Variants in HEPHL1 observed in about 807,000 individuals in gnomAD.
The protein encoded by HEPHL1 is ferroxidase HEPHL1.
HEPHL1 carries 123 observed loss-of-function variants against 122.0 expected under a neutral mutation model. The observed-to-expected ratio is 1.01, with a 90% CI of 0.87 to 1.17. The LOEUF is 1.17. Among genes scored for constraint, HEPHL1 ranks in the 50% most tolerant of loss-of-function variants. The probability of loss-of-function intolerance (pLI) is 0.00; values close to 1 mark genes in which losing one functional copy is unlikely to be tolerated. For synonymous variants in HEPHL1, 527 were observed against 508.9 expected, an observed-to-expected ratio of 1.04 and a Z score of -0.48; for missense variants, 1,452 against 1,430.5, an observed-to-expected ratio of 1.01 and a Z score of -0.24.
intron 5 of HEPHL1, among the ~76,000 whole-genome samples, chr11:94,068,618 G>A (rs1316302884): frequency 2.6e-5 from 4 of 152,090 alleles, no homozygotes; most frequent in Non-Finnish European, 5.9e-5. Context: ...CTAAGGAGGT[G>A]GGGCTGTGTG....
intron 2 of HEPHL1, among the ~76,000 whole-genome samples, chr11:94,057,476 A>C (rs1187291449): frequency 6.6e-6 from 1 of 151,918 alleles, no homozygotes; most frequent in Non-Finnish European, 1.5e-5. Flanking sequence ...TCTCTTTTTC[A>C]GATAGGATAA....
At chr11:94,071,674 A>G (rs892643977) in intron 6 of HEPHL1, among the ~76,000 whole-genome samples, 4 of 152,182 alleles carry the variant, frequency 2.6e-5, no homozygotes, top group Middle Eastern at 3.2e-3. Flanking sequence ...CTGGGTTCAC[A>G]AGAGTAGAGA....
chr11:94,073,109 A>G lies in HEPHL1; in HGVS notation c.1317A>G (p.Ala439=). ...TTCGGTATACTGAATTTGTTGATGC[A>G]ACTTTTACTAAAAGAAAGAGACTCT... ...WKVRYTEFVD[A]TFTKRKRLSA... Residue 439 remains alanine (A), a synonymous_variant, in exon 7 of 20, where the codon GCA becomes GCG. Transcript: ENST00000315765. The G allele has an allele frequency of 6.2e-7, 1 of 1,613,212 alleles. No individual in the cohort carries two copies. The highest frequency in any genetic ancestry group is 8.5e-7 in the Non-Finnish European group (1 of 1,179,482).
intron 9 of HEPHL1, among the ~76,000 whole-genome samples, chr11:94,079,695 G>T (rs1946153390): frequency 6.6e-6 from 1 of 152,298 alleles, no homozygotes; most frequent in Non-Finnish European, 1.5e-5. Context: ...GCTTGGCCTT[G>T]CTTCAAAGTG....
chr11:94,021,637 G>A, intron 1 of HEPHL1, 99 bp downstream of exon 1: 1 of 920,096 alleles, frequency 1.1e-6, no homozygotes, highest in Non-Finnish European at 1.7e-6. Flanking sequence ...ATGGGGGTGA[G>A]TTGATCTAGA....
chr11:94,083,083 TAA>T (rs35037205), intron 10 of HEPHL1, among the ~76,000 whole-genome samples: 3 of 142,228 alleles, frequency 2.1e-5, no homozygotes, highest in Admixed American at 7.0e-5. Context: ...AGACTCCGTC[TAA>T]AAAAAAAAAA....
chr11:94,110,776 T>C, intron 17 of HEPHL1, 127 bp from the exon 18 acceptor site: 1 of 667,110 alleles, frequency 1.5e-6, no homozygotes. Context: ...CTATTCTTGA[T>C]TCCTGCTCTT....
chr11:94,034,310 A>G (rs1252387342), intron 1 of HEPHL1, among the ~76,000 whole-genome samples: 1 of 152,102 alleles, frequency 6.6e-6, no homozygotes, highest in Non-Finnish European at 1.5e-5. Context: ...CAATATGTTG[A>G]TCTCTAGCTC....
intron 1 of HEPHL1, among the ~76,000 whole-genome samples, chr11:94,028,858 A>G (rs1425516796): frequency 6.6e-6 from 1 of 152,208 alleles, no homozygotes; most frequent in Non-Finnish European, 1.5e-5. Flanking sequence ...ATAGAACTCA[A>G]AGGAGCTGGA....
intron 1 of HEPHL1, among the ~76,000 whole-genome samples, chr11:94,031,437 G>A (rs948502373): frequency 2.0e-5 from 3 of 151,198 alleles, no homozygotes; most frequent in Non-Finnish European, 4.4e-5. Flanking sequence ...TGGTGATCAC[G>A]CCATATCAGC....
chr11:94,056,237 G>A (rs1945934770), intron 2 of HEPHL1, among the ~76,000 whole-genome samples: 1 of 151,882 alleles, frequency 6.6e-6, no homozygotes, highest in Non-Finnish European at 1.5e-5. Flanking sequence ...ACTTATTTGT[G>A]TCTTTCAATG....
chr11:94,070,686 T>C, intron 6 of HEPHL1, 144 bp downstream of exon 6: 1 of 666,830 alleles, frequency 1.5e-6, no homozygotes, highest in South Asian at 2.4e-5. Context: ...TAAGGTGTTC[T>C]TAATACTGCA....
intron 9 of HEPHL1, among the ~76,000 whole-genome samples, chr11:94,079,176 A>G (rs1193887980): frequency 6.6e-6 from 1 of 152,180 alleles, no homozygotes; most frequent in Non-Finnish European, 1.5e-5. Context: ...ATCTCATTTA[A>G]TCTTCACAAA....
chr11:94,064,212 G>C, intron 3 of HEPHL1, 119 bp from the exon 4 acceptor site: 1 of 644,000 alleles, frequency 1.6e-6, no homozygotes, highest in East Asian at 2.7e-5. Flanking sequence ...TTATATGGTG[G>C]GTTATCCTTG....
chr11:94,050,396 T>G (rs1945879446), intron 2 of HEPHL1, among the ~76,000 whole-genome samples: 1 of 152,186 alleles, frequency 6.6e-6, no homozygotes, highest in Admixed American at 6.5e-5. Context: ...AGACCAGATA[T>G]TCTTACCTTT....
intron 1 of HEPHL1, among the ~76,000 whole-genome samples, chr11:94,031,407 C>CT (rs201556779): frequency 1.5e-4 from 23 of 149,778 alleles, no homozygotes; most frequent in East Asian, 5.9e-4. Context: ...CTGCAATTTG[C>CT]TTTTTTTTTA....
chr11:94,093,545 C>G lies in HEPHL1; in HGVS notation c.2339C>G (p.Ser780Cys), dbSNP rs1591485447. ...AACCGCACTGAAAATTGGATTGGCT[C>G]TCAGTACAAGAAGGTGGTTTACAGG... is the stretch of plus-strand genomic sequence containing the variant. Reference protein sequence around the residue: ...FMNRTENWIGSQYKKVVYREY... With the variant: ...FMNRTENWIGCQYKKVVYREY... The change falls in exon 13 of 20, where the codon TCT becomes TGT. Residue 780 changes from serine to cysteine, a missense_variant. Coordinates refer to ENST00000315765, the MANE Select transcript of HEPHL1 (RefSeq NM_001098672.2). The G allele has an allele frequency of 1.9e-6, 3 of 1,613,656 alleles. No individual in the cohort carries two copies. The highest frequency in any genetic ancestry group is 1.7e-6 in the Non-Finnish European group (2 of 1,179,762).
intron 12 of HEPHL1, among the ~76,000 whole-genome samples, chr11:94,092,665 G>T (rs1232978881): frequency 6.6e-6 from 1 of 152,102 alleles, no homozygotes; most frequent in East Asian, 1.9e-4. Flanking sequence ...TGTGAGAGGG[G>T]CTTTGTTCCT....
Position 94,093,483 on chromosome 11 carries a change from G to A in HEPHL1, c.2295-18G>A, listed in dbSNP as rs150369287. 9.1e-5 allele frequency: 146 copies of A among 1,612,578 alleles called. 1 individual carries two copies. In the East Asian group the frequency reaches 3.0e-3, roughly 33 times the overall value. On this transcript the variant is annotated intron_variant, in intron 12 of 19. Transcript: ENST00000315765. The stretch of plus-strand genomic sequence containing the variant: ...CTGCTTTCTGACAACTTTAATTTCT[G>A]ATGCTTCTGATTTGCAGACATGGAG...
Sources: allele counts gnomAD v4.1 joint callset (sites outside exome capture counted in the v4.1 genomes callset), GRCh38; gene constraint gnomAD v4.1.1; transcripts MANE v1.5; gene names NCBI Gene and HGNC (gene_info 2026-07-23, HGNC 2026-07-21).